Variants in RABGAP1L observed in about 807,000 individuals in gnomAD.
RABGAP1L encodes RAB GTPase activating protein 1 like.
In RABGAP1L, 63 loss-of-function variants were observed where a neutral mutation model predicts 137.7. That is an observed-to-expected ratio of 0.46 (90% CI 0.37 to 0.56). RABGAP1L has a LOEUF of 0.56. RABGAP1L is among the 20% of genes least tolerant of loss of function. The probability of loss-of-function intolerance (pLI) is 0.00; values close to 1 mark genes in which losing one functional copy is unlikely to be tolerated. For missense variants in RABGAP1L, 1,095 were observed against 1,244.0 expected (o/e 0.88, Z 1.80); for synonymous variants, 431 against 433.7 (o/e 0.99, Z 0.08).
chr1:174,598,100 G>C (rs778492862), intron 13 of RABGAP1L, among the ~76,000 whole-genome samples: 1 of 152,080 alleles, frequency 6.6e-6, no homozygotes, highest in Admixed American at 6.6e-5. Context: ...AGAGGCCGAT[G>C]GGGGCAGATC....
At chr1:174,964,921 C>CTT in intron 20 of RABGAP1L, 2 of 1,467,784 alleles carry the variant, frequency 1.4e-6, no homozygotes, top group Non-Finnish European at 1.8e-6. Context: ...ATTGGATATT[C>CTT]TTTTTTTTTA....
chr1:174,324,449 G>A (rs1378447922), intron 11 of RABGAP1L, among the ~76,000 whole-genome samples: 2 of 152,082 alleles, frequency 1.3e-5, no homozygotes, highest in African/African-American at 4.8e-5. Context: ...TTTGGAGGTG[G>A]GAGGAAAATG....
chr1:174,448,797 T>G lies in RABGAP1L; in HGVS notation c.1710+54652T>G. On this transcript the variant is annotated intron_variant, in intron 13 of 25. Transcript: ENST00000681986. This position sits in a 1 kb window ranked among gnomAD's most constrained non-coding sequence, Gnocchi z 4.2. ...TTCACTTACTTCCACATTTTCAAAA[T>G]TTGCCGTCAGCACACCAAAGAGATA... 6.2e-7 allele frequency: 1 copy of G among 1,614,044 alleles called. No individual in the cohort carries two copies. The highest frequency in any genetic ancestry group is 8.5e-7 in the Non-Finnish European group (1 of 1,179,958).
chr1:174,965,710 T>G (rs939446750), intron 20 of RABGAP1L, among the ~76,000 whole-genome samples: 4 of 152,216 alleles, frequency 2.6e-5, no homozygotes, highest in African/African-American at 7.2e-5. Context: ...TTTGGCCCCG[T>G]AGCTTGCTTT....
At chr1:174,620,205 G>A (rs887790808) in intron 13 of RABGAP1L, among the ~76,000 whole-genome samples, 1 of 152,132 alleles carries the variant, frequency 6.6e-6, no homozygotes, top group African/African-American at 2.4e-5. Context: ...ACACCCCACT[G>A]TCCACATTAG....
intron 13 of RABGAP1L, among the ~76,000 whole-genome samples, chr1:174,437,548 T>TC (rs1269518952): frequency 6.6e-6 from 1 of 152,110 alleles, no homozygotes; most frequent in Admixed American, 6.5e-5. Flanking sequence ...GAACAAAGCC[T>TC]CCAAGAAATA....
rs557499203 is a variant in RABGAP1L at position 174,684,035 on chromosome 1, T to C, written c.1899+439T>C. 1.3e-3 allele frequency among the ~76,000 whole-genome samples: 203 copies of C among 152,282 alleles called. 1 individual carries two copies. The highest frequency in any genetic ancestry group is 4.6e-3 in the African/African-American group (191 of 41,558). On this transcript the variant is annotated intron_variant, in intron 15 of 25. Coordinates refer to ENST00000681986, the MANE Select transcript of RABGAP1L (RefSeq NM_001366446.1). ...AATTTTCAGGTACTGGGCTAGGAAG[T>C]GGGGTTATAAAGATGAATCATTTAT...
intron 17 of RABGAP1L, among the ~76,000 whole-genome samples, chr1:174,704,141 A>G (rs332771): frequency 0.6 from 90,490 of 152,012 alleles, 29,805 homozygotes; most frequent in African/African-American, 0.9. Context: ...GGAACTACAG[A>G]CACACAACAC....
intron 4 of RABGAP1L, 86 bp from the exon 5 acceptor site, chr1:174,241,397 T>C: frequency 1.1e-6 from 1 of 919,174 alleles, no homozygotes; most frequent in African/African-American, 1.7e-5. Flanking sequence ...TTGTTCTTTT[T>C]TTTTAAAAAA....
chr1:174,905,751 T>C (rs1658949457), intron 19 of RABGAP1L, among the ~76,000 whole-genome samples: 1 of 152,058 alleles, frequency 6.6e-6, no homozygotes, highest in Non-Finnish European at 1.5e-5. Context: ...CTCAGGAGGC[T>C]GAGGCAGGAG....
intron 1 of RABGAP1L, among the ~76,000 whole-genome samples, chr1:174,204,374 T>C (rs561468529): frequency 6.6e-6 from 1 of 152,326 alleles, no homozygotes; most frequent in East Asian, 1.9e-4. Flanking sequence ...ATAGTTTGAC[T>C]TCTACTCTTT....
intron 1 of RABGAP1L, among the ~76,000 whole-genome samples, chr1:174,168,025 G>A (rs992427024): frequency 6.6e-6 from 1 of 152,064 alleles, no homozygotes; most frequent in South Asian, 2.1e-4. Flanking sequence ...AGCACTTTAG[G>A]AGGCCAAGGC....
At chr1:174,780,029 G>A (rs1275680581) in intron 18 of RABGAP1L, among the ~76,000 whole-genome samples, 1 of 151,286 alleles carries the variant, frequency 6.6e-6, no homozygotes, top group Non-Finnish European at 1.5e-5. Flanking sequence ...TAGTGCCACT[G>A]CATTCCAGCC....
intron 10 of RABGAP1L, among the ~76,000 whole-genome samples, chr1:174,291,653 C>T (rs965719518): frequency 6.6e-6 from 1 of 151,940 alleles, no homozygotes; most frequent in Non-Finnish European, 1.5e-5. Context: ...GGATTTATTC[C>T]ACTTATTATT....
intron 19 of RABGAP1L, among the ~76,000 whole-genome samples, chr1:174,943,655 G>A (rs1486304389): frequency 6.6e-6 from 1 of 152,096 alleles, no homozygotes; most frequent in Non-Finnish European, 1.5e-5. Context: ...CCAACATGGT[G>A]AAACCTGGTC....
At chr1:174,302,681 C>T (rs913099563) in intron 10 of RABGAP1L, among the ~76,000 whole-genome samples, 10 of 152,114 alleles carry the variant, frequency 6.6e-5, no homozygotes, top group Admixed American at 5.2e-4. Flanking sequence ...ACTTGACTTT[C>T]GATACAGGGA....
Position 174,957,432 on chromosome 1 carries a change from C to G in RABGAP1L, c.2341-25C>G, listed in dbSNP as rs765426113. On this transcript the variant is annotated intron_variant, in intron 19 of 25. Transcript: ENST00000681986. Reference sequence around the variant, plus strand: ...TTTCATAAATGGTGTCCTTGTCTAACATGGTTTTCCTCAAATCCCTGCAGG... The same window carrying G: ...TTTCATAAATGGTGTCCTTGTCTAAGATGGTTTTCCTCAAATCCCTGCAGG... 3 of 1,570,814 alleles carry G rather than the reference C, an allele frequency of 1.9e-6. No homozygotes were observed. The East Asian group carries it at 6.7e-5, about 35-fold the overall frequency.
intron 1 of RABGAP1L, among the ~76,000 whole-genome samples, chr1:174,201,626 A>T (rs1230638656): frequency 2.0e-5 from 3 of 149,454 alleles, no homozygotes; most frequent in Admixed American, 1.3e-4. Context: ...ACTACCTCTC[A>T]TGCTATTATT....
intron 5 of RABGAP1L, chr1:174,245,443 T>A (rs1026042677): frequency 6.6e-6 from 1 of 152,208 alleles, no homozygotes; most frequent in Non-Finnish European, 1.5e-5. Flanking sequence ...GGAAGATAAT[T>A]CGAAGTTATC....
Sources: allele counts gnomAD v4.1 joint callset (sites outside exome capture counted in the v4.1 genomes callset), GRCh38; gene constraint gnomAD v4.1.1; non-coding constraint Gnocchi (gnomAD v3.1); transcripts MANE v1.5; gene names NCBI Gene and HGNC (gene_info 2026-07-23, HGNC 2026-07-21).